Variants in SPAG4 observed in about 807,000 individuals in gnomAD.
SPAG4 encodes the protein sperm associated antigen 4.
Under a neutral mutation model 53.9 loss-of-function variants are expected in SPAG4, and 54 were observed. That is an observed-to-expected ratio of 1.00 (90% CI 0.80 to 1.26). SPAG4 has a LOEUF of 1.26. Among genes scored for constraint, SPAG4 ranks in the 50% most tolerant of loss-of-function variants. The pLI, the probability that SPAG4 is intolerant of heterozygous loss-of-function variation, is 0.00. For missense variants in SPAG4, 548 were observed against 568.6 expected (o/e 0.96, Z 0.37); for synonymous variants, 246 against 237.4 (o/e 1.04, Z -0.33).
In SPAG4 at chr20:35,619,754, C is replaced by A; in HGVS notation, c.1077+8C>A. On this transcript the variant is annotated splice_region_variant and intron_variant, in intron 10 of 11. Transcript: ENST00000374273. ...CGCGATTTCGCGGTCTTTGTGAGTG[C>A]GGACGAGGTCAGGAGGTGGGGGATT... The A allele has an allele frequency of 6.2e-7, 1 of 1,602,568 alleles. No homozygotes were observed. Among genetic ancestry groups the A allele is most frequent in the Non-Finnish European group, 8.5e-7 (1 of 1,172,206 alleles).
chr20:35,618,827 G>A (rs1196130314), intron 7 of SPAG4, 96 bp from the exon 8 acceptor site: 3 of 1,451,656 alleles, frequency 2.1e-6, no homozygotes, highest in South Asian at 2.3e-5. Context: ...TGCCCACGAA[G>A]TCCATCCCAA....
Position 35,618,715 on chromosome 20 carries a change from A to G in SPAG4, c.712A>G (p.Ser238Gly). Residue 238 changes from serine to glycine, a missense_variant, in exon 7 of 12, where the codon AGC (serine) becomes GGC (glycine). Ser to Gly is a moderately conservative substitution (Grantham distance 56, BLOSUM62 0). Coordinates refer to ENST00000374273, the MANE Select transcript of SPAG4 (RefSeq NM_003116.3). ...GGTGTCCACTGTTCGGGCAGCCAAC[A>G]GCGAGGTGAGCCCCGGCCCACCTTG... Reference protein sequence around the residue: ...KEVSTVRAANSERVAKLVFQR... With the variant: ...KEVSTVRAANGERVAKLVFQR... 1 of 1,579,092 alleles carries G rather than the reference A, an allele frequency of 6.3e-7. No individual in the cohort carries two copies. The highest frequency in any genetic ancestry group is 2.2e-4 in the Middle Eastern group (1 of 4,644).
chr20:35,617,634 G>T (rs953386436), intron 3 of SPAG4, 48 bp downstream of exon 3: 3 of 1,599,724 alleles, frequency 1.9e-6, no homozygotes, highest in Non-Finnish European at 2.6e-6. Flanking sequence ...TTTGGAGGGG[G>T]TGGGGAGCAG....
At chr20:35,616,420 C>T in intron 1 of SPAG4, 113 bp downstream of exon 1, 1 of 1,394,274 alleles carries the variant, frequency 7.2e-7, no homozygotes. Context: ...AAGGTGGGTC[C>T]TGTAGGGTAA....
At chr20:35,618,044 T>C (rs748585920) in intron 4 of SPAG4, 43 bp from the exon 5 acceptor site, 15 of 1,602,200 alleles carry the variant, frequency 9.4e-6, no homozygotes, top group African/African-American at 6.7e-5. Context: ...GGAAACCCAT[T>C]CTCTTCCTTT....
At chr20:35,618,226 G>A in intron 5 of SPAG4, 96 bp downstream of exon 5, 1 of 1,291,846 alleles carries the variant, frequency 7.7e-7, no homozygotes, top group Non-Finnish European at 1.1e-6. Context: ...TGGGGTGGGG[G>A]TAGTGCCAGA....
chr20:35,616,939 A>G (rs2031406099), intron 1 of SPAG4, 197 bp from the exon 2 acceptor site: 8 of 579,512 alleles, frequency 1.4e-5, no homozygotes, highest in Middle Eastern at 4.1e-4. Context: ...CAGGAGACCA[A>G]CTCTTGACGG....
Position 35,620,030 on chromosome 20 carries a change from T to A in SPAG4, c.1077+284T>A, listed in dbSNP as rs549521901. 3.2e-3 allele frequency among the ~76,000 whole-genome samples: 487 copies of A among 152,146 alleles called. 4 individuals carry two copies. The highest frequency in any genetic ancestry group is 4.6e-3 in the Non-Finnish European group (311 of 67,994). ...CACCCAGGCTGCTGGAGTGCAGTGG[T>A]GCCATCTCAGCTCACCTGCAACCTC... is the stretch of plus-strand genomic sequence containing the variant. On this transcript the variant is annotated intron_variant, in intron 10 of 11. Coordinates refer to ENST00000374273, the MANE Select transcript of SPAG4 (RefSeq NM_003116.3).
chr20:35,618,622 G>C lies in SPAG4; in HGVS notation c.619G>C (p.Glu207Gln). The C allele has an allele frequency of 6.3e-7, 1 of 1,599,250 alleles. No homozygotes were observed. Among genetic ancestry groups the C allele is most frequent in the Non-Finnish European group, 8.5e-7 (1 of 1,172,936 alleles). ...ACCTCCCACCTCCAGTGAGTACCACGAGCGCGTGCGCTCCCAGGGGCAGCA... is the reference window on the plus strand; with the variant it reads ...ACCTCCCACCTCCAGTGAGTACCACCAGCGCGTGCGCTCCCAGGGGCAGCA... The part of the protein sequence containing the change: ...KEMLTLSEYH[E>Q]RVRSQGQQLQ... Residue 207 changes from glutamate to glutamine, a missense_variant, in exon 7 of 12, where the codon GAG (glutamate) becomes CAG (glutamine). Coordinates refer to ENST00000374273, the MANE Select transcript of SPAG4 (RefSeq NM_003116.3).
intron 10 of SPAG4, 58 bp from the exon 11 acceptor site, chr20:35,620,626 G>GC (rs10668654): frequency 0.022 from 6,430 of 287,170 alleles, 320 homozygotes; most frequent in African/African-American, 0.15. Flanking sequence ...TCTTCTCCCC[G>GC]CCCCCCCCGC....
In SPAG4 at chr20:35,616,255, C is replaced by A. The variant is rs762109497; in HGVS notation, c.252C>A (p.Ser84Arg). The A allele has an allele frequency of 2.6e-6, 4 of 1,512,654 alleles. No homozygotes were observed. In the Admixed American group the frequency reaches 7.0e-5, roughly 26 times the overall value. 93.7% of individuals were successfully genotyped at this position (1,512,654 alleles called of 1,614,324 possible). The change falls in exon 1 of 12, where the codon AGC becomes AGA. Residue 84 changes from serine (S) to arginine (R), a missense_variant. By Grantham distance (110) the Ser-to-Arg change is moderately radical. Transcript: ENST00000374273. ...GSSQQKPAPR[S>R]HNWQTACGAA... Reference sequence around the variant, plus strand: ...CTCAGCAGAAGCCAGCGCCTCGGAGCCACAACTGGCAGACAGCCTGTGGCG... The same window carrying A: ...CTCAGCAGAAGCCAGCGCCTCGGAGACACAACTGGCAGACAGCCTGTGGCG...
chr20:35,617,978 C>A, intron 4 of SPAG4, 109 bp from the exon 5 acceptor site: 1 of 1,360,766 alleles, frequency 7.3e-7, no homozygotes, highest in Non-Finnish European at 1.0e-6. Context: ...CAGACTCCCA[C>A]GGTCCTCCCC....
At chr20:35,620,577 T>C in intron 10 of SPAG4, 107 bp from the exon 11 acceptor site, 1 of 742,246 alleles carries the variant, frequency 1.3e-6, no homozygotes, top group Non-Finnish European at 2.4e-6. Context: ...AGAACATGCA[T>C]ATAGCTATTG....
At position 35,615,906 on chromosome 20, in the gene SPAG4, T is replaced by TG; in HGVS notation, c.-94dup. The stretch of plus-strand genomic sequence containing the variant: ...GCCTGCCGACTTCACGCAGGGTCCG[T>TG]GGGGTCCCCGCGGCGCGCAGCGGCT... On this transcript the variant is annotated 5_prime_UTR_variant, in exon 1 of 12. Coordinates refer to ENST00000374273, the MANE Select transcript of SPAG4 (RefSeq NM_003116.3). The TG allele has an allele frequency of 3.2e-6, 4 of 1,251,070 alleles. No individual in the cohort carries two copies. Among genetic ancestry groups the TG allele is most frequent in the Non-Finnish European group, 4.4e-6 (4 of 910,352 alleles). The allele number at this position is 1,251,070 out of a possible 1,614,324, so 77.5% of individuals were successfully genotyped here. A position where few individuals can be genotyped will look rare whatever the true frequency, so the allele number is the denominator to read the frequency against.
chr20:35,618,925 A>G lies in SPAG4; in HGVS notation c.720A>G (p.Arg240=). Residue 240 remains arginine, a splice_region_variant and synonymous_variant, in exon 8 of 12, where the codon AGA becomes AGG. Transcript: ENST00000374273. The part of the protein sequence containing the change: ...VSTVRAANSE[R]VAKLVFQRLN... ...GGCCTCGCCCTCCCTCCTTGCAGAG[A>G]GTGGCCAAGCTCGTGTTCCAGAGGC... is the stretch of plus-strand genomic sequence containing the variant. 1 of 1,614,068 alleles carries G rather than the reference A, an allele frequency of 6.2e-7. No individual in the cohort carries two copies. The highest frequency in any genetic ancestry group is 8.5e-7 in the Non-Finnish European group (1 of 1,179,930).
intron 1 of SPAG4, among the ~76,000 whole-genome samples, chr20:35,616,576 G>A (rs1568897921): frequency 6.6e-6 from 1 of 152,010 alleles, no homozygotes; most frequent in Non-Finnish European, 1.5e-5. Flanking sequence ...AGGACAATTG[G>A]GTTCCACCAA....
intron 9 of SPAG4, 104 bp downstream of exon 9, chr20:35,619,414 G>A: frequency 7.2e-7 from 1 of 1,398,222 alleles, no homozygotes. Flanking sequence ...GGGCGTGGAG[G>A]ATGGCGTTTA....
intron 3 of SPAG4, 45 bp downstream of exon 3, chr20:35,617,631 G>A (rs367809662): frequency 6.2e-7 from 1 of 1,602,982 alleles, no homozygotes; most frequent in African/African-American, 1.3e-5. Flanking sequence ...CTCTTTGGAG[G>A]GGGTGGGGAG....
At position 35,616,111 on chromosome 20, in the gene SPAG4, G is replaced by A; in HGVS notation, c.108G>A (p.Gly36=). The change falls in exon 1 of 12, where the codon GGG becomes GGA. Residue 36 remains glycine (G), a synonymous_variant. Transcript: ENST00000374273. ...SMSITSEDSK[G]LRSAEPGPGE... is the part of the protein sequence containing the mutation. ...GCATCACCTCGGAGGACAGCAAAGG[G>A]CTCCGGTCAGCGGAGCCCGGGCCTG... is the stretch of plus-strand genomic sequence containing the variant. The A allele has an allele frequency of 6.2e-7, 1 of 1,603,084 alleles. No homozygotes were observed. Among genetic ancestry groups the A allele is most frequent in the Non-Finnish European group, 8.5e-7 (1 of 1,175,780 alleles).
Sources: gnomAD v4.1 joint callset for allele counts (sites outside exome capture counted in the v4.1 genomes callset) on GRCh38, gnomAD v4.1.1 for gene constraint, MANE v1.5 for transcripts, NCBI Gene and HGNC (gene_info 2026-07-23, HGNC 2026-07-21) for gene names.